Variants in TBL1XR1 observed in about 807,000 individuals in gnomAD.
The protein encoded by TBL1XR1 is TBL1X/Y related 1, also known as F-box-like/WD repeat-containing protein TBL1XR1.
TBL1XR1 carries 5 observed loss-of-function variants against 66.9 expected under a neutral mutation model. The observed-to-expected ratio is 0.07, with a 90% confidence interval of 0.04 to 0.16. The LOEUF (loss-of-function observed/expected upper bound fraction) is 0.16, where lower values mean the gene tolerates loss of function less well. TBL1XR1 is among the 10% of genes least tolerant of loss of function. The pLI is 1.00. For missense variants in TBL1XR1, 238 were observed against 623.2 expected (o/e 0.38, Z 6.58); for synonymous variants, 210 against 206.0 (o/e 1.02, Z -0.17).
At chr3:177,175,558 T>C (rs1264693759) in intron 1 of TBL1XR1, among the ~76,000 whole-genome samples, 1 of 152,200 alleles carries the variant, frequency 6.6e-6, no homozygotes, top group Non-Finnish European at 1.5e-5. Context: ...CCCTGTAATT[T>C]GGGTGAACAC....
intron 1 of TBL1XR1, among the ~76,000 whole-genome samples, chr3:177,183,115 A>C (rs1192287620): frequency 6.6e-6 from 1 of 152,192 alleles, no homozygotes; most frequent in Non-Finnish European, 1.5e-5. Flanking sequence ...CATTAGCACC[A>C]ATAAATGTAA....
At chr3:177,112,096 TATA>T (rs1443876945) in intron 1 of TBL1XR1, among the ~76,000 whole-genome samples, 6 of 51,340 alleles carry the variant, frequency 1.2e-4, no homozygotes, top group East Asian at 6.7e-4. Flanking sequence ...TATATATATA[TATA>T]TATATATATT....
chr3:177,134,945 C>G (rs183725642), intron 1 of TBL1XR1, among the ~76,000 whole-genome samples: 2 of 129,150 alleles, frequency 1.5e-5, no homozygotes, highest in Non-Finnish European at 3.3e-5. Context: ...CACTGCAAGG[C>G]TGTGTGTGTG....
chr3:177,096,753 G>A (rs1055503262), intron 2 of TBL1XR1, among the ~76,000 whole-genome samples: 4 of 152,132 alleles, frequency 2.6e-5, no homozygotes, highest in Admixed American at 2.6e-4. Context: ...GTACTCCCTG[G>A]GAAACAGCAG....
At chr3:177,201,015 A>G (rs188478421), upstream of TBL1XR1, among the ~76,000 whole-genome samples, 410 of 151,986 alleles carry the variant, frequency 2.7e-3, 2 homozygotes, top group African/African-American at 9.5e-3. Flanking sequence ...TCAAAAAAAA[A>G]AAGTTCTCTC....
chr3:177,177,379 G>A (rs901120669), intron 1 of TBL1XR1, among the ~76,000 whole-genome samples: 2 of 152,236 alleles, frequency 1.3e-5, no homozygotes, highest in South Asian at 2.1e-4. Flanking sequence ...GAACCCAGGA[G>A]GCAGAGGTTG....
intron 1 of TBL1XR1, among the ~76,000 whole-genome samples, chr3:177,134,321 A>C (rs1728652666): frequency 6.6e-6 from 1 of 152,196 alleles, no homozygotes; most frequent in Admixed American, 6.6e-5. Context: ...CACAAGTCAC[A>C]TAGCAACAAG....
chr3:177,126,084 A>G (rs1727588502), intron 1 of TBL1XR1: 1 of 152,124 alleles, frequency 6.6e-6, no homozygotes, highest in South Asian at 2.1e-4. Context: ...TCTTTGTATC[A>G]TTCCAATTTT....
At chr3:177,085,361 A>G (rs377718722) in intron 2 of TBL1XR1, among the ~76,000 whole-genome samples, 53 of 152,320 alleles carry the variant, frequency 3.5e-4, no homozygotes, top group African/African-American at 1.1e-3. Flanking sequence ...ACCACTGCCC[A>G]TGGGTGCCAC....
rs372715016 is a variant in TBL1XR1, at chr3:177,153,151, A to T, written c.-122+43970T>A. ...TAGTGTCTCAAAAATAAAATAAAATAAAATAAAGTGTTGAAGTAAAAAGAT... is the reference window on the plus strand; with the variant it reads ...TAGTGTCTCAAAAATAAAATAAAATTAAATAAAGTGTTGAAGTAAAAAGAT... On this transcript the variant is annotated intron_variant, in intron 1 of 15. Transcript: ENST00000457928. Among the ~76,000 whole-genome samples, 7 of 152,292 alleles carry T rather than the reference A, an allele frequency of 4.6e-5. No individual in the cohort carries two copies. The East Asian group carries it at 7.7e-4, about 17-fold the overall frequency.
intron 3 of TBL1XR1, among the ~76,000 whole-genome samples, chr3:177,063,773 T>C (rs1047864572): frequency 2.0e-5 from 3 of 152,196 alleles, no homozygotes; most frequent in Admixed American, 6.5e-5. Context: ...TTATTCTCTG[T>C]GGGCTTGGAT....
At chr3:177,136,942 C>A (rs13314442) in intron 1 of TBL1XR1, among the ~76,000 whole-genome samples, 5,586 of 152,138 alleles carry the variant, frequency 0.037, 198 homozygotes, top group African/African-American at 0.082. Flanking sequence ...AGATAAATAT[C>A]CTCCAATATA....
At chr3:177,103,771 A>C (rs1408993811) in intron 1 of TBL1XR1, among the ~76,000 whole-genome samples, 1 of 152,234 alleles carries the variant, frequency 6.6e-6, no homozygotes. Context: ...AGTTCAAGGA[A>C]GTATATCTGG....
chr3:177,150,265 T>C (rs7632766), intron 1 of TBL1XR1, among the ~76,000 whole-genome samples: 34,727 of 152,088 alleles, frequency 0.23, 4,446 homozygotes, highest in East Asian at 0.51. Flanking sequence ...GAGAGACATA[T>C]GGAATGGTAT....
At chr3:177,150,660 A>T (rs1730777083) in intron 1 of TBL1XR1, among the ~76,000 whole-genome samples, 1 of 152,312 alleles carries the variant, frequency 6.6e-6, no homozygotes, top group South Asian at 2.1e-4. Flanking sequence ...TCCCAGCTCT[A>T]CCTGACTAAC....
At chr3:177,145,511 G>T (rs1190419925) in intron 1 of TBL1XR1, among the ~76,000 whole-genome samples, 2 of 152,054 alleles carry the variant, frequency 1.3e-5, no homozygotes, top group Non-Finnish European at 2.9e-5. Flanking sequence ...AGGCAGTAAG[G>T]CAAGGTATCC....
At chr3:177,150,616 T>C (rs13062215) in intron 1 of TBL1XR1, among the ~76,000 whole-genome samples, 2,827 of 152,316 alleles carry the variant, frequency 0.019, 36 homozygotes, top group Non-Finnish European at 0.029. Context: ...TAGTTTGATG[T>C]TGTAGAATGT....
At chr3:177,067,219 A>G (rs1719280293) in intron 2 of TBL1XR1, among the ~76,000 whole-genome samples, 1 of 152,242 alleles carries the variant, frequency 6.6e-6, no homozygotes, top group Non-Finnish European at 1.5e-5. Context: ...ATAAGAAATT[A>G]AATCATAATT....
chr3:177,128,474 C>T (rs76602357), intron 1 of TBL1XR1, among the ~76,000 whole-genome samples: 6 of 152,104 alleles, frequency 3.9e-5, no homozygotes, highest in South Asian at 2.1e-4. Flanking sequence ...CTCAAGCTCA[C>T]GCGATCATCT....
Sources: gnomAD v4.1 joint callset for allele counts (sites outside exome capture counted in the v4.1 genomes callset) on GRCh38, gnomAD v4.1.1 for gene constraint, MANE v1.5 for transcripts, NCBI Gene and HGNC (gene_info 2026-07-23, HGNC 2026-07-21) for gene names.